Variants in SETDB1 observed in about 807,000 individuals in gnomAD.
The protein encoded by SETDB1 is SET domain bifurcated histone lysine methyltransferase 1.
SETDB1 carries 31 observed loss-of-function variants against 137.4 expected under a neutral mutation model. The observed-to-expected ratio is 0.23, with a 90% CI of 0.17 to 0.30. SETDB1 has a LOEUF of 0.30. Ranked by LOEUF, SETDB1 falls within the 10% of genes least tolerant of loss-of-function variation. The probability of loss-of-function intolerance (pLI) is 1.00; values close to 1 mark genes in which losing one functional copy is unlikely to be tolerated. For synonymous variants in SETDB1, 548 were observed against 579.9 expected (o/e 0.95, Z 0.79); for missense variants, 1,113 against 1,631.5 (o/e 0.68, Z 5.47).
chr1:150,943,128 T>TA, intron 7 of SETDB1, 75 bp downstream of exon 7: 1 of 1,016,072 alleles, frequency 9.8e-7, no homozygotes, highest in South Asian at 1.4e-5. Flanking sequence ...ATAGACCAGA[T>TA]ACCACAATTA....
intron 18 of SETDB1, 87 bp from the exon 19 acceptor site, chr1:150,962,886 CT>C: frequency 1.3e-6 from 2 of 1,530,272 alleles, no homozygotes; most frequent in Non-Finnish European, 1.8e-6. Flanking sequence ...TGCCACCGCC[CT>C]TTCCTGCCAA....
chr1:150,962,612 G>A lies in SETDB1; in HGVS notation c.3187G>A (p.Gly1063Ser), dbSNP rs587677129. 33 of 1,613,914 alleles carry A rather than the reference G, an allele frequency of 2.0e-5. No individual in the cohort carries two copies. In the South Asian group the frequency reaches 2.1e-4, roughly 10 times the overall value. ...SVVTESSRNY[G>S]YNPSPVKPEG... ...AGTTACTGAAAGCTCTCGAAATTAC[G>A]GTTACAATCCTTCTCCTGTGAAGCC... The change falls in exon 18 of 22, where the codon GGT (glycine) becomes AGT (serine). Residue 1063 changes from glycine (G) to serine (S), a missense_variant. By Grantham distance (56) the Gly-to-Ser change is moderately conservative. This residue lies in a region of SETDB1 where 373 missense variants were observed against 412.7 expected (regional missense o/e 0.90). Transcript: ENST00000692827.
chr1:150,936,846 T>C (rs1393455227), intron 3 of SETDB1, among the ~76,000 whole-genome samples: 2 of 151,540 alleles, frequency 1.3e-5, no homozygotes, highest in Non-Finnish European at 2.9e-5. Flanking sequence ...ATTTGTAGGT[T>C]GCTCACAGTG....
chr1:150,938,035 C>G (rs1669998905), intron 3 of SETDB1, among the ~76,000 whole-genome samples: 1 of 152,064 alleles, frequency 6.6e-6, no homozygotes, highest in African/African-American at 2.4e-5. Flanking sequence ...GGAGACCAGC[C>G]TGGCCAATAT....
At chr1:150,926,572 T>C in intron 1 of SETDB1, 55 bp downstream of exon 1, 4 of 386,306 alleles carry the variant, frequency 1.0e-5, no homozygotes, top group South Asian at 7.5e-5. Flanking sequence ...TGGGACGTTT[T>C]GTTTGTGGGA....
chr1:150,959,371 GT>G, intron 15 of SETDB1, 24 bp downstream of exon 15: 10 of 1,581,348 alleles, frequency 6.3e-6, no homozygotes, highest in Non-Finnish European at 8.6e-6. Flanking sequence ...TATAAGGGTT[GT>G]TTCCTGAGAC....
intron 10 of SETDB1, 104 bp downstream of exon 10, chr1:150,947,116 C>CA: frequency 7.5e-7 from 1 of 1,335,546 alleles, no homozygotes; most frequent in African/African-American, 1.5e-5. Flanking sequence ...ACTGTATACT[C>CA]ATTGGAAACA....
At chr1:150,942,372 A>C (rs1670191240) in intron 5 of SETDB1, among the ~76,000 whole-genome samples, 191 bp from the exon 6 acceptor site, 1 of 149,306 alleles carries the variant, frequency 6.7e-6, no homozygotes, top group South Asian at 2.1e-4. Context: ...GCTGGAACCC[A>C]GGGAGGCGGA....
chr1:150,950,529 T>C lies in SETDB1; in HGVS notation c.1655T>C (p.Phe552Ser). The C allele has an allele frequency of 2.5e-6, 4 of 1,613,902 alleles. No individual in the cohort carries two copies. Among genetic ancestry groups the C allele is most frequent in the Non-Finnish European group, 3.4e-6 (4 of 1,179,904 alleles). Residue 552 changes from phenylalanine to serine, a missense_variant, in exon 13 of 22, where the codon TTC becomes TCC. Phe to Ser is a radical substitution (Grantham distance 155). This residue lies in a region of SETDB1 where 192 missense variants were observed against 198.1 expected (regional missense o/e 0.97). Transcript: ENST00000692827. The part of the protein sequence containing the change: ...ALPAPPAPPV[F>S]HGMLERAPAE... ...CCGGCCCCTCCAGCACCCCCAGTCTTCCATGGCATGCTGGAGCGGGCCCCA... is the reference window on the plus strand; with the variant it reads ...CCGGCCCCTCCAGCACCCCCAGTCTCCCATGGCATGCTGGAGCGGGCCCCA...
rs370089078 is a variant in SETDB1, at chr1:150,934,482, A to G, written c.412+4364A>G. Among the ~76,000 whole-genome samples the G allele has an allele frequency of 6.6e-5, 10 of 152,204 alleles. No individual in the cohort carries two copies. The South Asian group carries it at 2.1e-3, about 32-fold the overall frequency. On this transcript the variant is annotated intron_variant, in intron 3 of 21. Transcript: ENST00000692827. ...AGCGAGACTCCATCTCAAAAAATAT[A>G]TATATATACACAGCCACTTTGCACC...
At position 150,926,799 on chromosome 1, in the gene SETDB1, T is replaced by C. The variant is rs374583229; in HGVS notation, c.-12+282T>C. ...ACGAATGTGTGAAGTATTTGGATTG[T>C]GGATATTAGGTACCCACGTTTTATT... On this transcript the variant is annotated intron_variant, in intron 1 of 21. Transcript: ENST00000692827. 125 of 533,370 alleles carry C rather than the reference T, an allele frequency of 2.3e-4. No individual in the cohort carries two copies. The Middle Eastern group carries it at 4.4e-3, about 19-fold the overall frequency. 33.0% of individuals were successfully genotyped at this position (533,370 alleles called of 1,614,324 possible). A position where few individuals can be genotyped will look rare whatever the true frequency, so the allele number is the denominator to read the frequency against.
Position 150,960,584 on chromosome 1 carries a change from T to G in SETDB1, c.2525T>G (p.Phe842Cys). Residue 842 changes from phenylalanine (F) to cysteine (C), a missense_variant, in exon 16 of 22, where the codon TTT becomes TGT. Around this residue, in one of 11 missense-constraint regions of SETDB1, gnomAD observed 25 missense variants for 102.1 expected, o/e 0.24. Transcript: ENST00000692827. ...IYAGKILTDD[F>C]ADKEGLEMGD... Reference sequence around the variant, plus strand: ...TCAGGCAAAATCCTGACAGATGACTTTGCAGACAAGGAGGGTCTGGAAATG... The same window carrying G: ...TCAGGCAAAATCCTGACAGATGACTGTGCAGACAAGGAGGGTCTGGAAATG... 1 of 1,613,692 alleles carries G rather than the reference T, an allele frequency of 6.2e-7. No homozygotes were observed. Among genetic ancestry groups the G allele is most frequent in the Non-Finnish European group, 8.5e-7 (1 of 1,179,914 alleles).
At chr1:150,936,553 A>T (rs985704838) in intron 3 of SETDB1, among the ~76,000 whole-genome samples, 3 of 152,166 alleles carry the variant, frequency 2.0e-5, no homozygotes, top group Non-Finnish European at 2.9e-5. Flanking sequence ...ATTGATTTAC[A>T]TTTTTTGAGA....
chr1:150,931,250 ACT>A (rs1302989259), intron 3 of SETDB1, among the ~76,000 whole-genome samples: 1 of 113,206 alleles, frequency 8.8e-6, no homozygotes, highest in Non-Finnish European at 1.8e-5. Flanking sequence ...ACAAAGCAAG[ACT>A]CTTGTCTTCA....
chr1:150,941,829 C>CA (rs1257427644), intron 5 of SETDB1, among the ~76,000 whole-genome samples: 12 of 150,608 alleles, frequency 8.0e-5, no homozygotes, highest in East Asian at 7.8e-4. Flanking sequence ...CCCATCTCTA[C>CA]AAAAAAAAAT....
intron 9 of SETDB1, among the ~76,000 whole-genome samples, chr1:150,945,602 A>C (rs773382818): frequency 4.6e-5 from 7 of 152,216 alleles, no homozygotes; most frequent in Non-Finnish European, 8.8e-5. Context: ...TTGCAGAACA[A>C]GGCTACCTGA....
rs752453350 is a variant in SETDB1 at position 150,950,881 on chromosome 1, A to G, written c.2007A>G (p.Arg669=). Reference sequence around the variant, plus strand: ...TGGATCCATATGTTCTTGTGGACCGAAAGTTTCAGCCCTATAAGCCTTTTT... The same window carrying G: ...TGGATCCATATGTTCTTGTGGACCGGAAGTTTCAGCCCTATAAGCCTTTTT... ...FCLDPYVLVD[R]KFQPYKPFYY... Residue 669 remains arginine (R), a synonymous_variant, in exon 13 of 22, where the codon CGA becomes CGG. Coordinates refer to ENST00000692827, the MANE Select transcript of SETDB1 (RefSeq NM_001366418.1). 8.7e-6 allele frequency: 14 copies of G among 1,614,136 alleles called. No homozygotes were observed. In the Admixed American group the frequency reaches 1.2e-4, roughly 13 times the overall value.
intron 10 of SETDB1, among the ~76,000 whole-genome samples, chr1:150,948,332 A>G (rs1415800660): frequency 2.8e-5 from 4 of 143,314 alleles, no homozygotes; most frequent in South Asian, 2.2e-4. Context: ...GTGCAGTGGC[A>G]CCATCTCAGC....
intron 20 of SETDB1, 50 bp downstream of exon 20, chr1:150,963,791 A>G: frequency 6.4e-7 from 1 of 1,570,022 alleles, no homozygotes; most frequent in Non-Finnish European, 8.8e-7. Context: ...CATGGTCCTC[A>G]GATTTCTTTT....
Sources: allele counts gnomAD v4.1 joint callset (sites outside exome capture counted in the v4.1 genomes callset), GRCh38; gene constraint gnomAD v4.1.1; regional missense constraint gnomAD v4.1.1; transcripts MANE v1.5; gene names NCBI Gene and HGNC (gene_info 2026-07-23, HGNC 2026-07-21).